CDH13: variants seen among roughly 807,000 people sequenced by gnomAD.
The protein encoded by CDH13 is cadherin 13, also known as cadherin-13.
In CDH13, 24 loss-of-function variants were observed where a neutral mutation model predicts 63.8. The ratio of observed to expected loss-of-function variants is 0.38; its 90% CI spans 0.27 to 0.53. The LOEUF (loss-of-function observed/expected upper bound fraction) is 0.53, where lower values mean the gene tolerates loss of function less well. Ranked by LOEUF, CDH13 falls within the 20% of genes least tolerant of loss-of-function variation. CDH13 has a pLI of 0.85. For missense variants in CDH13, 1,049 were observed against 903.1 expected (o/e 1.16, Z -2.07); for synonymous variants, 503 against 355.3 (o/e 1.42, Z -4.67).
intron 5 of CDH13, among the ~76,000 whole-genome samples, chr16:83,328,120 TG>T (rs2090405285): frequency 2.0e-5 from 1 of 50,714 alleles, no homozygotes; most frequent in Non-Finnish European, 3.9e-5. Context: ...GAGACAGTAT[TG>T]TCAAAAAAAA....
chr16:83,692,190 T>G (rs1904971890), intron 10 of CDH13, among the ~76,000 whole-genome samples: 1 of 152,224 alleles, frequency 6.6e-6, no homozygotes, highest in Non-Finnish European at 1.5e-5. Context: ...AATAAAATTG[T>G]TTGTTCCATT....
intron 1 of CDH13, among the ~76,000 whole-genome samples, chr16:82,740,515 A>C (rs1730392966): frequency 6.6e-6 from 1 of 152,202 alleles, no homozygotes; most frequent in South Asian, 2.1e-4. Flanking sequence ...CTGCATAACA[A>C]GCCATGCTAA....
intron 1 of CDH13, among the ~76,000 whole-genome samples, chr16:82,749,148 A>G (rs1191382665): frequency 6.6e-6 from 1 of 152,112 alleles, no homozygotes; most frequent in Non-Finnish European, 1.5e-5. Context: ...GAGCCAAGAA[A>G]TGCAGAGAGA....
intron 10 of CDH13, among the ~76,000 whole-genome samples, chr16:83,742,829 G>A (rs1201810782): frequency 1.3e-5 from 2 of 152,206 alleles, no homozygotes; most frequent in East Asian, 1.9e-4. Context: ...GTGTTTCTGA[G>A]TAGGAGCAGC....
chr16:83,441,163 C>A (rs1028191490), intron 6 of CDH13, among the ~76,000 whole-genome samples: 4 of 152,176 alleles, frequency 2.6e-5, no homozygotes, highest in African/African-American at 9.7e-5. Flanking sequence ...GGTCAGTAGT[C>A]ATCTGGTCGA....
At position 83,743,748 on chromosome 16, in the gene CDH13, CTT is replaced by C. The variant is rs67886035; in HGVS notation, c.1539-4342_1539-4341del. On this transcript the variant is annotated intron_variant, in intron 10 of 13. Coordinates refer to ENST00000567109, the MANE Select transcript of CDH13 (RefSeq NM_001257.5). Reference sequence around the variant, plus strand: ...TGATGAGTTGCCTTTTTTCTTTTTTCTTTTTTTTTTTTTTTTTTTCTTTGCTT... The same window carrying C: ...TGATGAGTTGCCTTTTTTCTTTTTTCTTTTTTTTTTTTTTTTTCTTTGCTT... Among the ~76,000 whole-genome samples, 290 of 76,270 alleles carry C rather than the reference CTT, an allele frequency of 3.8e-3. 4 individuals are homozygous for C. The highest frequency in any genetic ancestry group is 0.016 in the African/African-American group (287 of 18,174). The allele number at this position is 76,270 out of a possible 152,430, so 50.0% of individuals were successfully genotyped here.
At chr16:83,604,074 A>G (rs1908102801) in intron 8 of CDH13, among the ~76,000 whole-genome samples, 1 of 152,096 alleles carries the variant, frequency 6.6e-6, no homozygotes, top group Non-Finnish European at 1.5e-5. Flanking sequence ...CCCAACTACA[A>G]CACTGGGAAT....
chr16:83,784,942 C>T (rs1284159662), intron 13 of CDH13, among the ~76,000 whole-genome samples: 1 of 152,212 alleles, frequency 6.6e-6, no homozygotes, highest in African/African-American at 2.4e-5. Context: ...ACTTTATCTT[C>T]TGCAAAGAGA....
chr16:82,916,787 A>C (rs1395980663), intron 2 of CDH13, among the ~76,000 whole-genome samples: 3 of 152,198 alleles, frequency 2.0e-5, no homozygotes, highest in African/African-American at 7.2e-5. Context: ...GAAGTAACAG[A>C]GCAGGAGACC....
chr16:83,270,688 C>T (rs1449551136), intron 5 of CDH13, among the ~76,000 whole-genome samples: 2 of 152,142 alleles, frequency 1.3e-5, no homozygotes, highest in African/African-American at 4.8e-5. Context: ...GAGGAGGCTT[C>T]ATATTTTTCA....
At chr16:83,513,771 A>G (rs940842196) in intron 7 of CDH13, among the ~76,000 whole-genome samples, 2 of 152,164 alleles carry the variant, frequency 1.3e-5, no homozygotes, top group African/African-American at 2.4e-5. Flanking sequence ...ACAATTCAAG[A>G]TGAGATTTGG....
intron 8 of CDH13, among the ~76,000 whole-genome samples, chr16:83,669,222 C>T (rs1201565418): frequency 2.6e-5 from 4 of 152,088 alleles, no homozygotes; most frequent in East Asian, 1.9e-4. Context: ...TAGAGGACCC[C>T]GGGCAGTTTC....
chr16:82,951,145 G>T (rs1905249875), intron 2 of CDH13, among the ~76,000 whole-genome samples: 1 of 152,070 alleles, frequency 6.6e-6, no homozygotes, highest in African/African-American at 2.4e-5. Flanking sequence ...GTGCAAGTTT[G>T]TGTGTGTGCT....
At chr16:83,046,944 A>G (rs890292523) in intron 3 of CDH13, among the ~76,000 whole-genome samples, 1 of 152,150 alleles carries the variant, frequency 6.6e-6, no homozygotes, top group Non-Finnish European at 1.5e-5. Context: ...CGATGGCTAC[A>G]CTGTGTCTCC....
At chr16:82,695,059 C>T (rs1049332775) in intron 1 of CDH13, among the ~76,000 whole-genome samples, 5 of 151,998 alleles carry the variant, frequency 3.3e-5, no homozygotes, top group African/African-American at 1.2e-4. Flanking sequence ...GAGGAGGCAG[C>T]GTGGGCAAAG....
chr16:83,430,541 T>A (rs2072066050), intron 6 of CDH13, among the ~76,000 whole-genome samples: 1 of 152,256 alleles, frequency 6.6e-6, no homozygotes, highest in Admixed American at 6.5e-5. Flanking sequence ...ATCAAACCTT[T>A]ATTCTTCTTT....
Position 83,631,251 on chromosome 16 carries a change from G to C in CDH13, c.1101+28657G>C, listed in dbSNP as rs1341511343. Among the ~76,000 whole-genome samples the C allele has an allele frequency of 2.6e-5, 4 of 152,174 alleles. No individual in the cohort carries two copies. In the South Asian group the frequency reaches 6.2e-4, roughly 24 times the overall value. On this transcript the variant is annotated intron_variant, in intron 8 of 13. Coordinates refer to ENST00000567109, the MANE Select transcript of CDH13 (RefSeq NM_001257.5). ...CTATTTATGAGATGCTGCTGGAATTGAGCAATAAAACTTGCCGGAGTCTCT... is the reference window on the plus strand; with the variant it reads ...CTATTTATGAGATGCTGCTGGAATTCAGCAATAAAACTTGCCGGAGTCTCT...
rs147168723 is a variant in CDH13 at position 83,067,346 on chromosome 16, C to G, written c.366+35128C>G. Among the ~76,000 whole-genome samples the G allele has an allele frequency of 1.5e-3, 225 of 152,248 alleles. 1 individual carries two copies. The highest frequency in any genetic ancestry group is 5.2e-3 in the African/African-American group (216 of 41,546). ...TCTACTTGTCTACTACCATGCAGAACTATAGTAAGTCACTATATCCCTTTG... is the reference window on the plus strand; with the variant it reads ...TCTACTTGTCTACTACCATGCAGAAGTATAGTAAGTCACTATATCCCTTTG... On this transcript the variant is annotated intron_variant, in intron 3 of 13. Transcript: ENST00000567109.
At chr16:83,794,568 C>T (rs1916480918) in intron 13 of CDH13, among the ~76,000 whole-genome samples, 2 of 152,148 alleles carry the variant, frequency 1.3e-5, no homozygotes, top group South Asian at 2.1e-4. Flanking sequence ...AAAAACATAT[C>T]ATGTTTGAAG....
Sources: gnomAD v4.1 joint callset for allele counts (sites outside exome capture counted in the v4.1 genomes callset) on GRCh38, gnomAD v4.1.1 for gene constraint, MANE v1.5 for transcripts, NCBI Gene and HGNC (gene_info 2026-07-23, HGNC 2026-07-21) for gene names.